The following EGFLAM variants were observed in gnomAD, a reference collection of about 807,000 sequenced individuals.
EGFLAM encodes the protein pikachurin.
EGFLAM carries 79 observed loss-of-function variants against 113.1 expected under a neutral mutation model. The ratio of observed to expected loss-of-function variants is 0.70; its 90% CI spans 0.58 to 0.84. The LOEUF is 0.84. Among genes scored for constraint, EGFLAM ranks in the 40% least tolerant of loss-of-function variants. The pLI is 0.00. For missense variants in EGFLAM, 1,265 were observed against 1,291.6 expected, an observed-to-expected ratio of 0.98 and a Z score of 0.32; for synonymous variants, 504 against 487.6, an observed-to-expected ratio of 1.03 and a Z score of -0.44.
At position 38,407,001 on chromosome 5, in the gene EGFLAM, T is replaced by C; in HGVS notation, c.1002T>C (p.Asn334=). 6.2e-7 allele frequency: 1 copy of C among 1,614,158 alleles called. No individual in the cohort carries two copies. Among genetic ancestry groups the C allele is most frequent in the Non-Finnish European group, 8.5e-7 (1 of 1,180,026 alleles). Residue 334 remains asparagine (N), a synonymous_variant, in exon 8 of 22, where the codon AAT becomes AAC. Transcript: ENST00000322350. ...QPIPIQRKGK[N]GVAIMSRLFD... The stretch of plus-strand genomic sequence containing the variant: ...TTCCCATACAGAGAAAGGGGAAGAA[T>C]GGTGTGGCCATAATGTCAAGGCTCT...
chr5:38,272,169 T>C (rs1296133038), intron 1 of EGFLAM, among the ~76,000 whole-genome samples: 1 of 152,220 alleles, frequency 6.6e-6, no homozygotes, highest in Non-Finnish European at 1.5e-5. Flanking sequence ...GAGACTCTAA[T>C]TGAGTCTGTG....
At chr5:38,332,435 C>G (rs1317719800) in intron 1 of EGFLAM, among the ~76,000 whole-genome samples, 1 of 152,114 alleles carries the variant, frequency 6.6e-6, no homozygotes, top group Non-Finnish European at 1.5e-5. Context: ...TCTCCCTCCA[C>G]CCACTCTCCC....
chr5:38,438,364 C>A lies in EGFLAM; in HGVS notation c.2373C>A (p.Ala791=). 6.2e-7 allele frequency: 1 copy of A among 1,614,070 alleles called. No homozygotes were observed. Among genetic ancestry groups the A allele is most frequent in the Non-Finnish European group, 8.5e-7 (1 of 1,179,984 alleles). ...VENAAHPCVR[A]PCAHGGSCRP... ...ATGCGGCCCACCCCTGTGTGAGAGC[C>A]CCTTGTGCCCATGGGGGCAGCTGCC... The change falls in exon 17 of 22, where the codon GCC becomes GCA. Residue 791 remains alanine, a synonymous_variant. Transcript: ENST00000322350.
rs1163617895 is a variant in EGFLAM at position 38,370,330 on chromosome 5, G to A, written c.580G>A (p.Glu194Lys). Residue 194 changes from glutamate to lysine, a missense_variant, in exon 6 of 22, where the codon GAG becomes AAG. Glu to Lys is a moderately conservative substitution (Grantham distance 56). Transcript: ENST00000322350. ...CGACAAGAAGTGGACCTCAATCCAT[G>A]AGCGGATCCAGATGGACTCCATGGT... ...DFDKKWTSIHERIQMDSMVIK... is the reference protein window; with the variant it reads ...DFDKKWTSIHKRIQMDSMVIK... The A allele has an allele frequency of 6.2e-7, 1 of 1,614,130 alleles. No individual in the cohort carries two copies. The highest frequency in any genetic ancestry group is 8.5e-7 in the Non-Finnish European group (1 of 1,180,004).
At chr5:38,336,991 A>G (rs1739204200) in intron 1 of EGFLAM, among the ~76,000 whole-genome samples, 1 of 152,258 alleles carries the variant, frequency 6.6e-6, no homozygotes, top group Admixed American at 6.5e-5. Context: ...AAATCTTATC[A>G]TCTGTAACTA....
At chr5:38,382,971 A>C (rs1353870764) in intron 6 of EGFLAM, among the ~76,000 whole-genome samples, 2 of 152,190 alleles carry the variant, frequency 1.3e-5, no homozygotes, top group African/African-American at 4.8e-5. Context: ...GGGGCATGCC[A>C]GCCACAGCTG....
rs574959711 is a variant in EGFLAM at position 38,355,885 on chromosome 5, C to T, written c.545+3554C>T. Reference sequence around the variant, plus strand: ...AAGTGATTCTCCTGTCTCAGCCTCCCGAGTAGCTGGGGTTACAGGCACCCA... The same window carrying T: ...AAGTGATTCTCCTGTCTCAGCCTCCTGAGTAGCTGGGGTTACAGGCACCCA... On this transcript the variant is annotated intron_variant, in intron 5 of 21. Transcript: ENST00000322350. Among the ~76,000 whole-genome samples, 9 of 152,192 alleles carry T rather than the reference C, an allele frequency of 5.9e-5. No individual in the cohort carries two copies. The South Asian group carries it at 8.3e-4, about 14-fold the overall frequency.
intron 19 of EGFLAM, 173 bp downstream of exon 19, chr5:38,451,631 T>A: frequency 2.1e-6 from 2 of 972,014 alleles, no homozygotes; most frequent in South Asian, 1.9e-5. Context: ...ATTCATCTTA[T>A]AGAGCAGCAG....
At chr5:38,414,977 G>A (rs1030481622) in intron 11 of EGFLAM, among the ~76,000 whole-genome samples, 7 of 152,132 alleles carry the variant, frequency 4.6e-5, no homozygotes, top group Non-Finnish European at 8.8e-5. Flanking sequence ...TGTTAGGGAT[G>A]TACCAGGAAT....
chr5:38,335,598 C>G (rs1173981606), intron 1 of EGFLAM, among the ~76,000 whole-genome samples: 1 of 152,138 alleles, frequency 6.6e-6, no homozygotes, highest in Non-Finnish European at 1.5e-5. Context: ...TCTAGCCAAT[C>G]AGATGAGACA....
At chr5:38,287,279 T>C (rs563211733) in intron 1 of EGFLAM, among the ~76,000 whole-genome samples, 1 of 152,364 alleles carries the variant, frequency 6.6e-6, no homozygotes, top group South Asian at 2.1e-4. Context: ...TTTGGGGTTT[T>C]ATGGTTTATG....
chr5:38,410,815 C>A (rs1268604485), intron 10 of EGFLAM, among the ~76,000 whole-genome samples: 4 of 152,104 alleles, frequency 2.6e-5, no homozygotes, highest in African/African-American at 9.7e-5. Context: ...GCAGGGCTGG[C>A]CAGCTTGCCA....
rs1743156329 is a variant in EGFLAM at position 38,458,294 on chromosome 5, C to A, written c.2688-17C>A. On this transcript the variant is annotated splice_polypyrimidine_tract_variant and intron_variant, in intron 19 of 21. Coordinates refer to ENST00000322350, the MANE Select transcript of EGFLAM (RefSeq NM_152403.4). ...GTTTTATTCTGTTCTCTGTCTTCTT[C>A]TTCTCCAATGCCTTAGCTATAACCT... 6.2e-7 allele frequency: 1 copy of A among 1,611,624 alleles called. No individual in the cohort carries two copies. The highest frequency in any genetic ancestry group is 2.2e-5 in the East Asian group (1 of 44,830).
At chr5:38,417,523 CA>C (rs556064612) in intron 11 of EGFLAM, among the ~76,000 whole-genome samples, 89 of 152,190 alleles carry the variant, frequency 5.8e-4, no homozygotes, top group Non-Finnish European at 9.3e-4. Context: ...TATTCATAAG[CA>C]AATTTCAAAA....
At chr5:38,343,601 A>G (rs1739400889) in intron 3 of EGFLAM, among the ~76,000 whole-genome samples, 1 of 152,028 alleles carries the variant, frequency 6.6e-6, no homozygotes, top group Non-Finnish European at 1.5e-5. Context: ...AAACTCTGGA[A>G]AATAACTTCC....
At chr5:38,405,658 A>T (rs924682721) in intron 6 of EGFLAM, among the ~76,000 whole-genome samples, 1 of 152,202 alleles carries the variant, frequency 6.6e-6, no homozygotes, top group African/African-American at 2.4e-5. Flanking sequence ...ACAAATTCTG[A>T]TGCTATGAAC....
intron 1 of EGFLAM, among the ~76,000 whole-genome samples, chr5:38,294,270 G>C (rs879336333): frequency 2.6e-5 from 4 of 152,176 alleles, no homozygotes; most frequent in Non-Finnish European, 4.4e-5. Flanking sequence ...GGAAGCCCAA[G>C]TGTGCAAGAA....
chr5:38,327,300 G>T (rs954915367), intron 1 of EGFLAM, among the ~76,000 whole-genome samples: 1 of 152,102 alleles, frequency 6.6e-6, no homozygotes, highest in African/African-American at 2.4e-5. Flanking sequence ...AGTAACCAAG[G>T]AGTGTGGTTA....
At chr5:38,279,930 C>T (rs1318882102) in intron 1 of EGFLAM, among the ~76,000 whole-genome samples, 1 of 151,832 alleles carries the variant, frequency 6.6e-6, no homozygotes. Flanking sequence ...TAGATTTAAC[C>T]GTTCCACAAT....
Sources: gnomAD v4.1 joint callset for allele counts (sites outside exome capture counted in the v4.1 genomes callset) on GRCh38, gnomAD v4.1.1 for gene constraint, MANE v1.5 for transcripts, NCBI Gene and HGNC (gene_info 2026-07-23, HGNC 2026-07-21) for gene names.